MCF2: variants seen among roughly 807,000 people sequenced by gnomAD.
The protein encoded by MCF2 is MCF.2 cell line derived transforming sequence, also known as proto-oncogene DBL.
In MCF2, 44 loss-of-function variants were observed where a neutral mutation model predicts 82.5. The observed-to-expected ratio is 0.53, with a 90% CI of 0.42 to 0.69. MCF2 has a LOEUF of 0.69. Among genes scored for constraint, MCF2 ranks in the 30% least tolerant of loss-of-function variants. MCF2 has a pLI of 0.00. For missense variants in MCF2, 623 were observed against 663.1 expected (o/e 0.94, Z 0.66); for synonymous variants, 217 against 224.9 (o/e 0.96, Z 0.32).
intron 1 of MCF2, among the ~76,000 whole-genome samples, chrX:139,677,667 T>C (rs1934902760): frequency 9.0e-6 from 1 of 111,563 alleles, no homozygotes; most frequent in Non-Finnish European, 1.9e-5. Context: ...GTGGATGGGG[T>C]AATGGGTTAT....
intron 19 of MCF2, among the ~76,000 whole-genome samples, chrX:139,595,144 T>C (rs1929940170): frequency 9.2e-6 from 1 of 108,904 alleles, no homozygotes; most frequent in African/African-American, 3.4e-5. Context: ...GTAAACTAGT[T>C]CAACCATTGT....
chrX:139,650,513 T>TGTCAATA (rs111493432), intron 2 of MCF2, among the ~76,000 whole-genome samples: 3 of 110,544 alleles, frequency 2.7e-5, no homozygotes, highest in Admixed American at 9.7e-5. Flanking sequence ...TTTCTTGTAC[T>TGTCAATA]CCTAAGAAGC....
At chrX:139,630,407 A>C (rs991319764) in intron 3 of MCF2, among the ~76,000 whole-genome samples, 1 of 111,923 alleles carries the variant, frequency 8.9e-6, no homozygotes, top group Admixed American at 9.5e-5. Flanking sequence ...TTGTTGCCAT[A>C]AAATGGTAAG....
intron 1 of MCF2, among the ~76,000 whole-genome samples, chrX:139,638,716 T>C (rs1189336476): frequency 8.9e-6 from 1 of 111,803 alleles, no homozygotes; most frequent in Non-Finnish European, 1.9e-5. Flanking sequence ...ACAAAACGCA[T>C]CTGTGCACTG....
chrX:139,690,614 C>T (rs149432157), intron 1 of MCF2, among the ~76,000 whole-genome samples: 1 of 111,037 alleles, frequency 9.0e-6, no homozygotes, highest in African/African-American at 3.3e-5. Flanking sequence ...ATGCACAGAC[C>T]ACAGCCTTGA....
In MCF2 at chrX:139,706,788, A is replaced by G. The variant is rs186406188; in HGVS notation, c.-45+1318T>C. 8.2e-4 allele frequency among the ~76,000 whole-genome samples: 91 copies of G among 110,842 alleles called. No individual in the cohort carries two copies. In the Admixed American group the frequency reaches 8.6e-3, roughly 10 times the overall value. On this transcript the variant is annotated intron_variant, in intron 1 of 27. Transcript: ENST00000414978. Reference sequence around the variant, plus strand: ...GGATTCTACAAACTAATGGAAAAATAAACACAAAATCAGGGGGGAAAAGGT... The same window carrying G: ...GGATTCTACAAACTAATGGAAAAATGAACACAAAATCAGGGGGGAAAAGGT...
At chrX:139,629,904 G>C in intron 3 of MCF2, 60 bp from the exon 7 acceptor site, 1 of 978,348 alleles carries the variant, frequency 1.0e-6, no homozygotes, top group South Asian at 2.2e-5. Context: ...ATCAAAAACT[G>C]GATCAGTAAG....
chrX:139,642,598 A>G, exon 1 of MCF2: 1 of 1,204,463 alleles, frequency 8.3e-7, no homozygotes, highest in Non-Finnish European at 1.1e-6. Context: ...CTTGGGTAGT[A>G]TTTAAAAACG....
At chrX:139,601,560 AC>A (rs765729130) in intron 16 of MCF2, among the ~76,000 whole-genome samples, 32 of 111,748 alleles carry the variant, frequency 2.9e-4, no homozygotes, top group African/African-American at 1.0e-3. Flanking sequence ...ACTCTCAAAA[AC>A]TTTTATGTAC....
chrX:139,618,621 C>G (rs1932106342), intron 7 of MCF2, among the ~76,000 whole-genome samples: 1 of 111,411 alleles, frequency 9.0e-6, no homozygotes, highest in African/African-American at 3.3e-5. Context: ...CACAGATCTA[C>G]AAGCATAATT....
At chrX:139,662,485 C>T (rs957363037) in intron 1 of MCF2, among the ~76,000 whole-genome samples, 2 of 110,896 alleles carry the variant, frequency 1.8e-5, no homozygotes, top group Admixed American at 1.9e-4. Flanking sequence ...ATAAAAAAGA[C>T]AGTGTGGTAC....
chrX:139,606,828 T>C (rs1429213001), intron 12 of MCF2, among the ~76,000 whole-genome samples: 8 of 111,098 alleles, frequency 7.2e-5, no homozygotes, highest in African/African-American at 2.6e-4. Context: ...TTTTTGCATA[T>C]TAAAGCATTT....
intron 16 of MCF2, among the ~76,000 whole-genome samples, chrX:139,600,835 A>T (rs1361475914): frequency 8.9e-6 from 1 of 111,759 alleles, no homozygotes; most frequent in African/African-American, 3.2e-5. Context: ...AGCATCAAAC[A>T]TGGGTAATAG....
At chrX:139,656,663 T>C (rs955629290) in intron 1 of MCF2, among the ~76,000 whole-genome samples, 7 of 112,206 alleles carry the variant, frequency 6.2e-5, no homozygotes, top group African/African-American at 2.3e-4. Context: ...GGTAAGATTG[T>C]TGCTGAGAAC....
intron 1 of MCF2, among the ~76,000 whole-genome samples, chrX:139,696,538 C>T (rs182725978): frequency 2.6e-4 from 29 of 111,459 alleles, no homozygotes; most frequent in African/African-American, 9.1e-4. Flanking sequence ...ATTCTCATGC[C>T]TCAGCCTCCC....
intron 1 of MCF2, among the ~76,000 whole-genome samples, chrX:139,685,261 A>C (rs1228071787): frequency 9.0e-6 from 1 of 111,055 alleles, no homozygotes; most frequent in African/African-American, 3.3e-5. Context: ...ACCACCCCTC[A>C]TATTGTCTTA....
chrX:139,605,122 A>C (rs759450847), intron 13 of MCF2, 138 bp from the exon 18 acceptor site: 1 of 283,577 alleles, frequency 3.5e-6, no homozygotes, highest in Non-Finnish European at 6.3e-6. Flanking sequence ...TTTTAATTCA[A>C]TTCAAATCTC....
At chrX:139,597,339 A>C in intron 18 of MCF2, 121 bp downstream of exon 22, 1 of 558,473 alleles carries the variant, frequency 1.8e-6, no homozygotes, top group South Asian at 2.4e-5. Flanking sequence ...TAGTAACATC[A>C]ACATTTTGAT....
At chrX:139,642,223 C>T (rs1188725406) in intron 1 of MCF2, among the ~76,000 whole-genome samples, 1 of 112,044 alleles carries the variant, frequency 8.9e-6, no homozygotes, top group Non-Finnish European at 1.9e-5. Flanking sequence ...GACTAAGGTG[C>T]TCATTCATAA....
Sources: gnomAD v4.1 joint callset for allele counts (sites outside exome capture counted in the v4.1 genomes callset) on GRCh38, gnomAD v4.1.1 for gene constraint, MANE v1.5 for transcripts, NCBI Gene and HGNC (gene_info 2026-07-23, HGNC 2026-07-21) for gene names.